The following SLC35F3 variants were observed in gnomAD, a reference collection of about 807,000 sequenced individuals.
SLC35F3 encodes putative thiamine transporter SLC35F3.
In SLC35F3, 25 loss-of-function variants were observed where a neutral mutation model predicts 49.9. The ratio of observed to expected loss-of-function variants is 0.50; its 90% CI spans 0.37 to 0.70. The LOEUF (loss-of-function observed/expected upper bound fraction) is 0.70. SLC35F3 is among the 30% of genes least tolerant of loss of function. The pLI is 0.00. For synonymous variants in SLC35F3, 275 were observed against 265.4 expected (o/e 1.04, Z -0.35); for missense variants, 525 against 639.8 (o/e 0.82, Z 1.94).
chr1:234,059,171 T>C (rs1448871054), intron 2 of SLC35F3, among the ~76,000 whole-genome samples: 1 of 152,106 alleles, frequency 6.6e-6, no homozygotes. Context: ...ATTCTCTATA[T>C]CGGTAAGTTC....
At chr1:234,125,285 C>G (rs74147533) in intron 2 of SLC35F3, among the ~76,000 whole-genome samples, 2 of 152,158 alleles carry the variant, frequency 1.3e-5, no homozygotes, top group African/African-American at 4.8e-5. Flanking sequence ...AAACGACCCC[C>G]GAATCTCAAC....
intron 2 of SLC35F3, among the ~76,000 whole-genome samples, chr1:233,975,446 C>T (rs1663064243): frequency 6.6e-6 from 1 of 152,238 alleles, no homozygotes; most frequent in Admixed American, 6.5e-5. Flanking sequence ...GCTGAAATAA[C>T]CTGTGTCAAT....
intron 2 of SLC35F3, among the ~76,000 whole-genome samples, chr1:233,966,899 T>C (rs997023789): frequency 2.0e-5 from 3 of 152,192 alleles, no homozygotes; most frequent in African/African-American, 7.2e-5. Flanking sequence ...CGAACAAGTA[T>C]AACCAACTTC....
At chr1:234,223,944 GGAGA>G (rs1341846692) in intron 2 of SLC35F3, among the ~76,000 whole-genome samples, 5 of 152,184 alleles carry the variant, frequency 3.3e-5, no homozygotes, top group South Asian at 2.1e-4. Context: ...ATGTGTGTAT[GGAGA>G]GAGAGAGATA....
chr1:234,055,357 C>T (rs535523736), intron 2 of SLC35F3, among the ~76,000 whole-genome samples: 36 of 152,304 alleles, frequency 2.4e-4, no homozygotes, highest in African/African-American at 8.4e-4. Flanking sequence ...TCAGCAATGG[C>T]GGACACCCCT....
chr1:233,967,825 A>G (rs1195306692), intron 2 of SLC35F3, among the ~76,000 whole-genome samples: 3 of 152,256 alleles, frequency 2.0e-5, no homozygotes, highest in Non-Finnish European at 4.4e-5. Flanking sequence ...AAACGAAGTT[A>G]TTTAGTGTTT....
chr1:233,989,334 A>G (rs1023212469), intron 2 of SLC35F3, among the ~76,000 whole-genome samples: 29 of 152,258 alleles, frequency 1.9e-4, no homozygotes, highest in African/African-American at 7.0e-4. Context: ...TTGTTTCATA[A>G]TGAAATTTTC....
intron 2 of SLC35F3, among the ~76,000 whole-genome samples, chr1:234,188,377 G>T (rs1013613582): frequency 6.6e-6 from 1 of 152,174 alleles, no homozygotes; most frequent in African/African-American, 2.4e-5. Context: ...GTGGAAATGA[G>T]ACTGGCCTTT....
intron 2 of SLC35F3, among the ~76,000 whole-genome samples, chr1:233,961,517 C>G (rs904470414): frequency 7.1e-6 from 1 of 140,680 alleles, no homozygotes. Flanking sequence ...AGGGCTATGG[C>G]GTGATCTCGG....
At chr1:234,265,395 A>G (rs1041134409) in intron 3 of SLC35F3, among the ~76,000 whole-genome samples, 1 of 150,000 alleles carries the variant, frequency 6.7e-6, no homozygotes, top group African/African-American at 2.5e-5. Context: ...GCTGGCCTCA[A>G]CTCCTGGACT....
chr1:234,066,633 A>G lies in SLC35F3; in HGVS notation c.283+160875A>G, dbSNP rs1045433583. ...CCACTACCTTCTCCTTCCCAAAGAT[A>G]AAAAGGGTTGCCCCTGCCCTACTTC... is the stretch of plus-strand genomic sequence containing the variant. On this transcript the variant is annotated intron_variant, in intron 2 of 7. Coordinates refer to ENST00000366618, the MANE Select transcript of SLC35F3 (RefSeq NM_173508.4). Among the ~76,000 whole-genome samples the G allele has an allele frequency of 3.9e-5, 6 of 152,036 alleles. No individual in the cohort carries two copies. The East Asian group carries it at 9.7e-4, about 24-fold the overall frequency.
chr1:234,235,840 G>T (rs148222627), intron 3 of SLC35F3, among the ~76,000 whole-genome samples: 2 of 152,328 alleles, frequency 1.3e-5, no homozygotes, highest in East Asian at 3.9e-4. Context: ...CAAGGGCCCG[G>T]TGTGTGTACC....
At chr1:233,928,633 G>C (rs1261970115) in intron 2 of SLC35F3, among the ~76,000 whole-genome samples, 1 of 152,078 alleles carries the variant, frequency 6.6e-6, no homozygotes, top group Admixed American at 6.6e-5. Flanking sequence ...ATACAGTACT[G>C]GTGTTTGGAA....
At chr1:234,284,970 G>A (rs1668394367) in intron 3 of SLC35F3, 2 of 166,358 alleles carry the variant, frequency 1.2e-5, no homozygotes, top group Non-Finnish European at 2.6e-5. Flanking sequence ...TCTACTGCAA[G>A]AATGAAGACC....
chr1:234,132,683 T>G (rs1370934020), intron 2 of SLC35F3, among the ~76,000 whole-genome samples: 1 of 152,212 alleles, frequency 6.6e-6, no homozygotes, highest in Non-Finnish European at 1.5e-5. Context: ...TGATTTTTAT[T>G]GCAGTGTTAA....
chr1:234,180,877 C>T (rs976525267), intron 2 of SLC35F3, among the ~76,000 whole-genome samples: 2 of 152,120 alleles, frequency 1.3e-5, no homozygotes, highest in African/African-American at 2.4e-5. Context: ...AAGTGGAAAT[C>T]GTACAATGAA....
rs181089129 is a variant in SLC35F3, at chr1:233,953,692, A to G, written c.283+47934A>G. Among the ~76,000 whole-genome samples the G allele has an allele frequency of 3.1e-4, 45 of 145,910 alleles. 1 individual carries two copies. In the East Asian group the frequency reaches 8.9e-3, roughly 29 times the overall value. On this transcript the variant is annotated intron_variant, in intron 2 of 7. Transcript: ENST00000366618. ...AGGAGAGAAGTGGTCACCTGCACAG[A>G]TACACGCACATCCATGAAGTGTCGC...
At chr1:234,016,537 G>A (rs1364684135) in intron 2 of SLC35F3, among the ~76,000 whole-genome samples, 1 of 152,174 alleles carries the variant, frequency 6.6e-6, no homozygotes, top group Admixed American at 6.5e-5. Context: ...AATGAAATAA[G>A]CCACACATGG....
At position 234,303,000 on chromosome 1, in the gene SLC35F3, G is replaced by A. The variant is rs142350223; in HGVS notation, c.609-6101G>A. On this transcript the variant is annotated intron_variant, in intron 3 of 7. Transcript: ENST00000366618. The stretch of plus-strand genomic sequence containing the variant: ...ACTCTCAGCCACCCTCAATTCTTGC[G>A]GATACTTTTCTCTAGTATTTATACC... Among the ~76,000 whole-genome samples the A allele has an allele frequency of 9.4e-4, 143 of 152,142 alleles. No homozygotes were observed. The Middle Eastern group carries it at 0.017, about 18-fold the overall frequency.
Sources: allele counts gnomAD v4.1 joint callset (sites outside exome capture counted in the v4.1 genomes callset), GRCh38; gene constraint gnomAD v4.1.1; transcripts MANE v1.5; gene names NCBI Gene and HGNC (gene_info 2026-07-23, HGNC 2026-07-21).